The following CYP39A1 variants were observed in gnomAD, a reference collection of about 807,000 sequenced individuals.
CYP39A1 encodes the protein cytochrome P450 family 39 subfamily A member 1.
In CYP39A1, 49 loss-of-function variants were observed where a neutral mutation model predicts 58.1. That is an observed-to-expected ratio of 0.84 (90% CI 0.67 to 1.07). The LOEUF (loss-of-function observed/expected upper bound fraction) is 1.07. CYP39A1 is among the 50% of genes least tolerant of loss of function. The pLI is 0.00. For synonymous variants in CYP39A1, 209 were observed against 187.6 expected (o/e 1.11, Z -0.93); for missense variants, 531 against 539.4 (o/e 0.98, Z 0.16).
chr6:46,561,325 T>A (rs1288107859), intron 10 of CYP39A1, among the ~76,000 whole-genome samples: 7 of 152,124 alleles, frequency 4.6e-5, no homozygotes, highest in Non-Finnish European at 8.8e-5. Flanking sequence ...CTTCTCTGAG[T>A]TCAGCATCCT....
chr6:46,577,541 A>G (rs1054552049), intron 10 of CYP39A1, among the ~76,000 whole-genome samples: 3 of 152,180 alleles, frequency 2.0e-5, no homozygotes, highest in Non-Finnish European at 4.4e-5. Flanking sequence ...CCCATTTCAC[A>G]TGCAATGACA....
intron 8 of CYP39A1, among the ~76,000 whole-genome samples, chr6:46,594,999 G>C (rs377329929): frequency 6.6e-6 from 1 of 151,814 alleles, no homozygotes; most frequent in Non-Finnish European, 1.5e-5. Context: ...TTAAAAATTG[G>C]CAAGGAATCT....
At chr6:46,583,452 C>G in intron 10 of CYP39A1, 1 of 985,368 alleles carries the variant, frequency 1.0e-6, no homozygotes, top group Non-Finnish European at 1.2e-6. Context: ...TGAAAACCCT[C>G]CGTCTTATTC....
intron 2 of CYP39A1, among the ~76,000 whole-genome samples, chr6:46,640,650 T>C (rs1021239727): frequency 6.6e-6 from 1 of 152,148 alleles, no homozygotes; most frequent in African/African-American, 2.4e-5. Flanking sequence ...AAAGGGTACA[T>C]GTGCAGGTTT....
At position 46,639,584 on chromosome 6, in the gene CYP39A1, T is replaced by TG; in HGVS notation, c.397dup (p.His133ProfsTer9). 6.2e-7 allele frequency: 1 copy of TG among 1,613,990 alleles called. No homozygotes were observed. The highest frequency in any genetic ancestry group is 8.5e-7 in the Non-Finnish European group (1 of 1,179,858). On this transcript the variant is annotated frameshift_variant, in exon 3 of 12. Transcript: ENST00000275016. LOFTEE classifies it high-confidence loss of function. ...TTCAGTCAGTTGCCCAGTAAACTGA[T>TG]GGAGATTGACAGTCCCCATTTTCCC...
chr6:46,559,569 A>T (rs1232011265), intron 10 of CYP39A1, among the ~76,000 whole-genome samples: 3 of 152,202 alleles, frequency 2.0e-5, no homozygotes, highest in Admixed American at 6.5e-5. Flanking sequence ...GAAAGTAAAG[A>T]GGTGATATAA....
At chr6:46,618,626 G>T (rs972479208) in intron 7 of CYP39A1, among the ~76,000 whole-genome samples, 2 of 151,952 alleles carry the variant, frequency 1.3e-5, no homozygotes, top group African/African-American at 2.4e-5. Flanking sequence ...CGGATTACTG[G>T]GCTTGAAATT....
intron 6 of CYP39A1, among the ~76,000 whole-genome samples, chr6:46,630,023 G>A (rs1436903589): frequency 1.3e-5 from 2 of 151,964 alleles, no homozygotes; most frequent in Non-Finnish European, 2.9e-5. Flanking sequence ...TTGAACCCGG[G>A]AAGCAGAGGT....
At position 46,652,576 on chromosome 6, in the gene CYP39A1, G is replaced by A. The variant is rs1762772761; in HGVS notation, c.7C>T (p.Leu3=). 3.1e-6 allele frequency: 5 copies of A among 1,601,456 alleles called. No homozygotes were observed. The highest frequency in any genetic ancestry group is 1.3e-5 in the African/African-American group (1 of 74,286). ...ATTATAATCACTGTTGGGGAAATTA[G>A]TTCCATGTTTTTGTCCAGCACCTTC... ME[L]ISPTVIIILG... The change falls in exon 1 of 12, where the codon CTA becomes TTA. Residue 3 remains leucine, a synonymous_variant. Coordinates refer to ENST00000275016, the MANE Select transcript of CYP39A1 (RefSeq NM_016593.5).
intron 10 of CYP39A1, among the ~76,000 whole-genome samples, chr6:46,560,689 T>C (rs538559816): frequency 6.6e-6 from 1 of 152,274 alleles, no homozygotes; most frequent in South Asian, 2.1e-4. Flanking sequence ...AGAAGATTTA[T>C]AAATATAAGA....
chr6:46,549,642 A>C lies in CYP39A1; in HGVS notation c.*724T>G, dbSNP rs1388272124. On this transcript the variant is annotated 3_prime_UTR_variant, in exon 12 of 12. Transcript: ENST00000275016. ...TTAGCAAAAATATGGTATCTGCCAA[A>C]CTATAATTGCAAACACTTTGAGTCA... 1 of 152,210 alleles carries C rather than the reference A, an allele frequency of 6.6e-6. No homozygotes were observed. The highest frequency in any genetic ancestry group is 6.6e-5 in the Admixed American group (1 of 15,266). 9.4% of individuals were successfully genotyped at this position (152,210 alleles called of 1,614,324 possible).
chr6:46,640,550 C>T (rs1776265944), intron 2 of CYP39A1, among the ~76,000 whole-genome samples: 1 of 152,066 alleles, frequency 6.6e-6, no homozygotes, highest in Admixed American at 6.6e-5. Flanking sequence ...ATTGTTTACT[C>T]ATTTCTTTAT....
At chr6:46,580,759 T>G (rs1772089829) in intron 10 of CYP39A1, among the ~76,000 whole-genome samples, 1 of 152,170 alleles carries the variant, frequency 6.6e-6, no homozygotes. Flanking sequence ...TGTTCAACAT[T>G]ACCAATCGTT....
chr6:46,647,811 T>A (rs1235899272), intron 1 of CYP39A1, among the ~76,000 whole-genome samples: 2 of 152,196 alleles, frequency 1.3e-5, no homozygotes, highest in Admixed American at 1.3e-4. Context: ...CTTTGCCCAC[T>A]TTTTGATGGG....
intron 10 of CYP39A1, among the ~76,000 whole-genome samples, chr6:46,562,267 C>T (rs1226769046): frequency 6.6e-6 from 1 of 152,006 alleles, no homozygotes; most frequent in Non-Finnish European, 1.5e-5. Context: ...AGGTGATCCA[C>T]CCACCTTGGC....
intron 1 of CYP39A1, among the ~76,000 whole-genome samples, chr6:46,651,762 ACAAT>A (rs1013104088): frequency 7.9e-5 from 12 of 152,344 alleles, no homozygotes; most frequent in Admixed American, 7.2e-4. Flanking sequence ...AATTTATTAG[ACAAT>A]CAAATACCAT....
intron 11 of CYP39A1, among the ~76,000 whole-genome samples, chr6:46,551,806 G>A (rs936733920): frequency 3.9e-5 from 6 of 152,052 alleles, no homozygotes; most frequent in Non-Finnish European, 7.4e-5. Flanking sequence ...GTGATTTGAC[G>A]GCCATTTCCT....
intron 10 of CYP39A1, among the ~76,000 whole-genome samples, chr6:46,563,930 G>T (rs988954146): frequency 6.6e-6 from 1 of 151,998 alleles, no homozygotes; most frequent in Non-Finnish European, 1.5e-5. Context: ...AGTGGCACCA[G>T]AATCTCAATG....
At chr6:46,589,890 A>T (rs936939244) in intron 8 of CYP39A1, among the ~76,000 whole-genome samples, 3 of 152,010 alleles carry the variant, frequency 2.0e-5, no homozygotes, top group Non-Finnish European at 4.4e-5. Flanking sequence ...TGTGATCATG[A>T]CTTGGAGGCT....
Sources: gnomAD v4.1 joint callset for allele counts (sites outside exome capture counted in the v4.1 genomes callset) on GRCh38, gnomAD v4.1.1 for gene constraint, MANE v1.5 for transcripts, NCBI Gene and HGNC (gene_info 2026-07-23, HGNC 2026-07-21) for gene names.